The following TNRC18 variants were observed in gnomAD, a reference collection of about 807,000 sequenced individuals.
The protein encoded by TNRC18 is trinucleotide repeat containing 18, also known as trinucleotide repeat-containing gene 18 protein.
TNRC18 carries 69 observed loss-of-function variants against 226.7 expected under a neutral mutation model. The observed-to-expected ratio is 0.30, with a 90% confidence interval of 0.25 to 0.37. The LOEUF is 0.37. TNRC18 is among the 10% of genes least tolerant of loss of function. TNRC18 has a pLI of 1.00. For synonymous variants in TNRC18, 2,449 were observed against 1,927.6 expected (o/e 1.27, Z -7.09); for missense variants, 4,754 against 4,256.6 (o/e 1.12, Z -3.25).
At chr7:5,332,438 A>G (rs1789623193) in intron 19 of TNRC18, among the ~76,000 whole-genome samples, 184 bp downstream of exon 19, 1 of 152,168 alleles carries the variant, frequency 6.6e-6, no homozygotes, top group African/African-American at 2.4e-5. Context: ...CTCTTAAGAA[A>G]CAAAGGAACA....
chr7:5,343,623 C>T (rs1178439900), intron 18 of TNRC18, among the ~76,000 whole-genome samples: 2 of 152,142 alleles, frequency 1.3e-5, no homozygotes, highest in Non-Finnish European at 2.9e-5. Context: ...GATGGGGTCT[C>T]GCTCTGTTGC....
intron 14 of TNRC18, 72 bp downstream of exon 14, chr7:5,361,522 C>G (rs2128160656): frequency 7.0e-7 from 1 of 1,421,164 alleles, no homozygotes; most frequent in Admixed American, 2.9e-5. Context: ...CCGAGGCAGG[C>G]CCTGCGTGGG....
chr7:5,318,832 C>T (rs1788085264), intron 24 of TNRC18, among the ~76,000 whole-genome samples: 1 of 152,106 alleles, frequency 6.6e-6, no homozygotes. Context: ...AATAAGGGTA[C>T]CCAGCTCAGC....
chr7:5,407,550 C>CA (rs887609139), intron 2 of TNRC18, among the ~76,000 whole-genome samples: 3 of 152,250 alleles, frequency 2.0e-5, no homozygotes, highest in African/African-American at 7.2e-5. Flanking sequence ...CACCAGCCGG[C>CA]AATTCTGGCT....
chr7:5,361,147 C>G (rs1406840476), intron 14 of TNRC18, among the ~76,000 whole-genome samples: 1 of 152,204 alleles, frequency 6.6e-6, no homozygotes, highest in East Asian at 1.9e-4. Context: ...AAGCTTGTCC[C>G]CAAGTGCCAG....
At chr7:5,321,029 G>T in intron 22 of TNRC18, 44 bp downstream of exon 22, 1 of 1,386,260 alleles carries the variant, frequency 7.2e-7, no homozygotes, top group Non-Finnish European at 9.9e-7. Flanking sequence ...CACGGGGCGG[G>T]TATGGGACAC....
chr7:5,386,799 G>A (rs1480103948), intron 5 of TNRC18, among the ~76,000 whole-genome samples: 2 of 151,960 alleles, frequency 1.3e-5, no homozygotes, highest in Non-Finnish European at 2.9e-5. Context: ...ACAGGCTGGG[G>A]GCAGTGACTC....
At position 5,309,387 on chromosome 7, in the gene TNRC18, C is replaced by T. The variant is rs768997825; in HGVS notation, c.8389-19G>A. On this transcript the variant is annotated intron_variant, in intron 27 of 29. Transcript: ENST00000430969. This position sits in a 1 kb window ranked among gnomAD's most constrained non-coding sequence, Gnocchi z 5.7. ...CACGCCGCTGCAAGGACACGTGTGT[C>T]ACGGCACAGGCCCTGGCCCAGCCCC... The T allele has an allele frequency of 6.3e-7, 1 of 1,590,936 alleles. No individual in the cohort carries two copies. The highest frequency in any genetic ancestry group is 1.8e-5 in the Admixed American group (1 of 56,844).
intron 26 of TNRC18, among the ~76,000 whole-genome samples, chr7:5,314,236 T>C (rs1014475058): frequency 6.6e-6 from 1 of 151,580 alleles, no homozygotes; most frequent in African/African-American, 2.4e-5. Flanking sequence ...CCTCCTAGAG[T>C]GCTGAGAATA....
intron 2 of TNRC18, among the ~76,000 whole-genome samples, chr7:5,396,064 G>A (rs533086316): frequency 3.0e-4 from 45 of 149,864 alleles, no homozygotes; most frequent in African/African-American, 7.9e-4. Context: ...TTAGCTACTC[G>A]GGAGGCTGAG....
chr7:5,325,037 G>A lies in TNRC18; in HGVS notation c.6300+59C>T, dbSNP rs1053169351. The A allele has an allele frequency of 8.5e-6, 13 of 1,535,896 alleles. No homozygotes were observed. The South Asian group carries it at 1.6e-4, about 19-fold the overall frequency. Reference sequence around the variant, plus strand: ...AGGAGCAGGTGGAGCCCCCTGCCCTGACCACAGGAGCATGGCTGAGCCCCC... The same window carrying A: ...AGGAGCAGGTGGAGCCCCCTGCCCTAACCACAGGAGCATGGCTGAGCCCCC... On this transcript the variant is annotated intron_variant, in intron 20 of 29. Transcript: ENST00000430969.
intron 2 of TNRC18, among the ~76,000 whole-genome samples, chr7:5,406,670 G>A (rs1168222126): frequency 6.6e-6 from 1 of 151,898 alleles, no homozygotes; most frequent in African/African-American, 2.4e-5. Flanking sequence ...GGCCAACAGG[G>A]TGAAACCCCG....
In TNRC18 at chr7:5,389,039, A is replaced by C; in HGVS notation, c.785T>G (p.Leu262Arg). 1.5e-6 allele frequency: 2 copies of C among 1,302,080 alleles called. No individual in the cohort carries two copies. Among genetic ancestry groups the C allele is most frequent in the Non-Finnish European group, 2.0e-6 (2 of 1,015,716 alleles). 80.7% of individuals were successfully genotyped at this position (1,302,080 alleles called of 1,614,324 possible). A position where few individuals can be genotyped will look rare whatever the true frequency, so the allele number is the denominator to read the frequency against. Residue 262 changes from leucine (L) to arginine (R), a missense_variant, in exon 5 of 30, where the codon CTG becomes CGG. Leu to Arg is a moderately radical substitution (Grantham distance 102). Coordinates refer to ENST00000430969, the MANE Select transcript of TNRC18 (RefSeq NM_001080495.3). The part of the protein sequence containing the change: ...DRGPPRLAER[L>R]SPFLAESKTK... ...CTTGGACTCAGCCAGGAAGGGCGAC[A>C]GGCGCTCAGCCAGGCGCGGGGGCCC... is the stretch of plus-strand genomic sequence containing the variant.
chr7:5,320,211 C>T (rs1788207140), intron 24 of TNRC18, 107 bp downstream of exon 24: 2 of 843,012 alleles, frequency 2.4e-6, no homozygotes, highest in Admixed American at 4.3e-5. Flanking sequence ...GTTATGTGAG[C>T]CCACAAGTCT....
In TNRC18 at chr7:5,408,106, C is replaced by T. The variant is rs574169858; in HGVS notation, c.187+12954G>A. On this transcript the variant is annotated intron_variant, in intron 2 of 29. Coordinates refer to ENST00000430969, the MANE Select transcript of TNRC18 (RefSeq NM_001080495.3). ...CACGAGGTTAGGAGATCGAGACCATCCTGGCCAACATGGTGAAACGCCGTC... is the reference window on the plus strand; with the variant it reads ...CACGAGGTTAGGAGATCGAGACCATTCTGGCCAACATGGTGAAACGCCGTC... 9.2e-5 allele frequency among the ~76,000 whole-genome samples: 14 copies of T among 152,222 alleles called. No homozygotes were observed. In the South Asian group the frequency reaches 2.7e-3, roughly 29 times the overall value.
At chr7:5,397,436 A>T (rs1780772420) in intron 2 of TNRC18, among the ~76,000 whole-genome samples, 1 of 152,108 alleles carries the variant, frequency 6.6e-6, no homozygotes, top group Admixed American at 6.5e-5. Context: ...TGCCCACCAC[A>T]GGGCTCAATG....
rs757629509 is a variant in TNRC18 at position 5,377,564 on chromosome 7, C to G, written c.2268G>C (p.Glu756Asp). 2 of 1,580,432 alleles carry G rather than the reference C, an allele frequency of 1.3e-6. No individual in the cohort carries two copies. Among genetic ancestry groups the G allele is most frequent in the Admixed American group, 1.8e-5 (1 of 54,450 alleles). Residue 756 changes from glutamate to aspartate, a missense_variant, in exon 7 of 30, where the codon GAG (glutamate) becomes GAC (aspartate). Coordinates refer to ENST00000430969, the MANE Select transcript of TNRC18 (RefSeq NM_001080495.3). The surrounding 1 kb of genome is among the most constrained non-coding windows in gnomAD (Gnocchi z 5.8). The part of the protein sequence containing the change: ...DQEKLLRESK[E>D]LADLARLHPT... ...GGTGCAGGCGGGCCAGGTCAGCCAGCTCCTTACTCTCTCTGGAAGGAGGAT... is the reference window on the plus strand; with the variant it reads ...GGTGCAGGCGGGCCAGGTCAGCCAGGTCCTTACTCTCTCTGGAAGGAGGAT...
chr7:5,342,100 C>T (rs1265052777), intron 18 of TNRC18, among the ~76,000 whole-genome samples: 2 of 152,134 alleles, frequency 1.3e-5, no homozygotes, highest in Non-Finnish European at 2.9e-5. Flanking sequence ...TCTGATGGAT[C>T]TGGGCAAAGT....
intron 27 of TNRC18, among the ~76,000 whole-genome samples, chr7:5,310,773 C>T (rs771686799): frequency 5.3e-5 from 8 of 152,266 alleles, no homozygotes; most frequent in Non-Finnish European, 8.8e-5. Flanking sequence ...CCTTCTGGAA[C>T]ATGCAGGTGC....
Sources: allele counts gnomAD v4.1 joint callset (sites outside exome capture counted in the v4.1 genomes callset), GRCh38; gene constraint gnomAD v4.1.1; non-coding constraint Gnocchi (gnomAD v3.1); transcripts MANE v1.5; gene names NCBI Gene and HGNC (gene_info 2026-07-23, HGNC 2026-07-21).